DDX25: variants seen among roughly 807,000 people sequenced by gnomAD.
DDX25 encodes ATP-dependent RNA helicase DDX25.
In DDX25, 70 loss-of-function variants were observed where a neutral mutation model predicts 64.6. The ratio of observed to expected loss-of-function variants is 1.08; its 90% CI spans 0.89 to 1.32. The LOEUF is 1.32. DDX25 is among the 40% of genes most tolerant of loss of function. DDX25 has a pLI of 0.00. For missense variants in DDX25, 587 were observed against 604.4 expected (o/e 0.97, Z 0.30); for synonymous variants, 211 against 213.3 (o/e 0.99, Z 0.09).
At chr11:125,911,270 GT>G in intron 7 of DDX25, 40 bp from the exon 8 acceptor site, 1 of 1,558,886 alleles carries the variant, frequency 6.4e-7, no homozygotes, top group South Asian at 1.2e-5. Flanking sequence ...TGTTGGAGTT[GT>G]TTGCATCTGA....
chr11:125,908,340 T>G, intron 5 of DDX25, 52 bp downstream of exon 5: 1 of 1,613,134 alleles, frequency 6.2e-7, no homozygotes, highest in Non-Finnish European at 8.5e-7. Context: ...GTTTCTTATT[T>G]TCAGTTTATG....
intron 4 of DDX25, among the ~76,000 whole-genome samples, chr11:125,907,411 A>C (rs536066209): frequency 2.0e-5 from 3 of 152,120 alleles, no homozygotes; most frequent in Non-Finnish European, 4.4e-5. Flanking sequence ...GATCGAGACC[A>C]TCCTGGCTAA....
intron 10 of DDX25, among the ~76,000 whole-genome samples, chr11:125,919,737 G>A (rs956151995): frequency 6.6e-6 from 1 of 152,008 alleles, no homozygotes; most frequent in Non-Finnish European, 1.5e-5. Context: ...CCTGAAAAAA[G>A]GATGATGTCT....
Position 125,917,174 on chromosome 11 carries a change from C to T in DDX25, c.961C>T (p.His321Tyr). Residue 321 changes from histidine (H) to tyrosine (Y), a missense_variant, in exon 9 of 12, where the codon CAC (histidine) becomes TAC (tyrosine). Transcript: ENST00000263576. ...CCGGCAATATTACGTGCTGTGTGAG[C>T]ACAGGAAAGACAAATACCAAGCTCT... Reference protein sequence around the residue: ...NIRQYYVLCEHRKDKYQALCN... With the variant: ...NIRQYYVLCEYRKDKYQALCN... The T allele has an allele frequency of 6.2e-7, 1 of 1,611,436 alleles. No individual in the cohort carries two copies. The highest frequency in any genetic ancestry group is 8.5e-7 in the Non-Finnish European group (1 of 1,178,974).
intron 7 of DDX25, among the ~76,000 whole-genome samples, chr11:125,910,711 G>C (rs1240635265): frequency 6.6e-6 from 1 of 152,184 alleles, no homozygotes; most frequent in Non-Finnish European, 1.5e-5. Context: ...TCCTGCAAGA[G>C]GATGCCTTTG....
At position 125,924,518 on chromosome 11, in the gene DDX25, G is replaced by T. The variant is rs1945151170; in HGVS notation, c.*1637G>T. ...GGCTCCCAGAGGAGAGGACACTCAG[G>T]ATCTCCTACAGGAGAGCAGGATGTA... is the stretch of plus-strand genomic sequence containing the variant. On this transcript the variant is annotated 3_prime_UTR_variant, in exon 12 of 12. Coordinates refer to ENST00000263576, the MANE Select transcript of DDX25 (RefSeq NM_013264.5). 1 of 152,264 alleles carries T rather than the reference G, an allele frequency of 6.6e-6. No homozygotes were observed. The highest frequency in any genetic ancestry group is 2.4e-5 in the African/African-American group (1 of 41,450). The allele number at this position is 152,264 out of a possible 1,614,324, so 9.4% of individuals were successfully genotyped here.
At chr11:125,920,037 C>A (rs752217591) in intron 10 of DDX25, among the ~76,000 whole-genome samples, 72 of 152,226 alleles carry the variant, frequency 4.7e-4, no homozygotes, top group Middle Eastern at 3.4e-3. Context: ...AGGCACAGTA[C>A]AAGGAGTGCA....
Position 125,926,141 on chromosome 11 carries a change from C to T in DDX25, c.*3260C>T, listed in dbSNP as rs909504950. On this transcript the variant is annotated 3_prime_UTR_variant, in exon 12 of 12. Transcript: ENST00000263576. Reference sequence around the variant, plus strand: ...AAAGAGAACCCCTGCAGAGACAGTCCAGCTGTTGGGATGGGCCTGCACTTT... The same window carrying T: ...AAAGAGAACCCCTGCAGAGACAGTCTAGCTGTTGGGATGGGCCTGCACTTT... The T allele has an allele frequency of 6.6e-6, 1 of 152,414 alleles. No homozygotes were observed. Among genetic ancestry groups the T allele is most frequent in the African/African-American group, 2.4e-5 (1 of 41,418 alleles). 9.4% of individuals were successfully genotyped at this position (152,414 alleles called of 1,614,324 possible). A position where few individuals can be genotyped will look rare whatever the true frequency, so the allele number is the denominator to read the frequency against.
chr11:125,923,196 G>C lies in DDX25; in HGVS notation c.*315G>C, dbSNP rs1008282033. The C allele has an allele frequency of 3.5e-5, 8 of 229,028 alleles. No homozygotes were observed. The highest frequency in any genetic ancestry group is 6.8e-5 in the Non-Finnish European group (8 of 117,554). The allele number at this position is 229,028 out of a possible 1,614,324, so 14.2% of individuals were successfully genotyped here. A position where few individuals can be genotyped will look rare whatever the true frequency, so the allele number is the denominator to read the frequency against. On this transcript the variant is annotated 3_prime_UTR_variant, in exon 12 of 12. Transcript: ENST00000263576. ...AATCTGAGCAGATCGTGCCTCTTGG[G>C]AGCATCTTACTGTGTCACAAGAGGG... is the stretch of plus-strand genomic sequence containing the variant.
chr11:125,927,208 G>C lies in DDX25; in HGVS notation c.*4327G>C, dbSNP rs532721. 0.75 allele frequency: 113,829 copies of C among 152,318 alleles called. 43,241 individuals carry two copies. The highest frequency in any genetic ancestry group is 0.88 in the African/African-American group (36,568 of 41,578). 9.4% of individuals were successfully genotyped at this position (152,318 alleles called of 1,614,324 possible). A position where few individuals can be genotyped will look rare whatever the true frequency, so the allele number is the denominator to read the frequency against. The stretch of plus-strand genomic sequence containing the variant: ...TTCTAGTGAAATACAGAAAACACAC[G>C]TGAACTGGGATGATTCTTGGCTGAG... On this transcript the variant is annotated 3_prime_UTR_variant, in exon 12 of 12. Transcript: ENST00000263576.
chr11:125,923,249 G>A lies in DDX25; in HGVS notation c.*368G>A, dbSNP rs1225888071. 1.7e-5 allele frequency: 3 copies of A among 176,104 alleles called. No homozygotes were observed. The highest frequency in any genetic ancestry group is 3.6e-5 in the Non-Finnish European group (3 of 83,954). 10.9% of individuals were successfully genotyped at this position (176,104 alleles called of 1,614,324 possible). On this transcript the variant is annotated 3_prime_UTR_variant, in exon 12 of 12. Coordinates refer to ENST00000263576, the MANE Select transcript of DDX25 (RefSeq NM_013264.5). The stretch of plus-strand genomic sequence containing the variant: ...GTAGAGCTTCGCTGATTTTGGAAGC[G>A]GAGCGAGTAGGAAAAAGCCCATGTC...
intron 9 of DDX25, 128 bp downstream of exon 9, chr11:125,917,379 A>G (rs1425585193): frequency 1.7e-5 from 14 of 836,170 alleles, no homozygotes; most frequent in Non-Finnish European, 2.6e-5. Context: ...TTTAATCTTC[A>G]GAACAGCTCT....
At chr11:125,905,339 C>A in intron 2 of DDX25, 61 bp downstream of exon 2, 1 of 1,524,768 alleles carries the variant, frequency 6.6e-7, no homozygotes, top group Non-Finnish European at 8.9e-7. Flanking sequence ...GTTTTGCTTT[C>A]ATCACGTCCC....
chr11:125,905,407 C>G, intron 2 of DDX25, 129 bp downstream of exon 2: 1 of 1,337,320 alleles, frequency 7.5e-7, no homozygotes, highest in Non-Finnish European at 1.0e-6. Context: ...CCATTACCTT[C>G]CCAATCGTTT....
At chr11:125,918,398 C>T (rs888959592) in intron 9 of DDX25, among the ~76,000 whole-genome samples, 1 of 152,090 alleles carries the variant, frequency 6.6e-6, no homozygotes, top group Non-Finnish European at 1.5e-5. Context: ...CCATTTCATG[C>T]GTGAGAAAGC....
rs1944881316 is a variant in DDX25 at position 125,906,094 on chromosome 11, C to T, written c.196C>T (p.Leu66Phe). Residue 66 changes from leucine to phenylalanine, a missense_variant, in exon 4 of 12, where the codon CTC becomes TTC. Leu to Phe is a conservative substitution (Grantham distance 22). Transcript: ENST00000263576. ...EDVVDLAANS[L>F]LNKLIHQSLV... ...TCTAGTGGATTTGGCAGCTAATTCA[C>T]TCTTAAACAAGTTAATCCATCAATC... 1 of 1,542,484 alleles carries T rather than the reference C, an allele frequency of 6.5e-7. No homozygotes were observed. Among genetic ancestry groups the T allele is most frequent in the South Asian group, 1.2e-5 (1 of 81,126 alleles).
chr11:125,916,837 C>T (rs979926978), intron 8 of DDX25, among the ~76,000 whole-genome samples, 177 bp from the exon 9 acceptor site: 1 of 152,146 alleles, frequency 6.6e-6, no homozygotes, highest in Non-Finnish European at 1.5e-5. Context: ...TTTCTAAATT[C>T]TTGGTGGCAA....
At chr11:125,912,257 G>A (rs1944976752) in intron 8 of DDX25, among the ~76,000 whole-genome samples, 1 of 152,164 alleles carries the variant, frequency 6.6e-6, no homozygotes, top group Non-Finnish European at 1.5e-5. Flanking sequence ...TGGGAATTGA[G>A]TTCTTTGAAA....
At position 125,925,730 on chromosome 11, in the gene DDX25, A is replaced by G. The variant is rs498025; in HGVS notation, c.*2849A>G. The G allele has an allele frequency of 0.73, 194,912 of 266,082 alleles. 72,426 individuals are homozygous for G. The highest frequency in any genetic ancestry group is 0.88 in the African/African-American group (39,728 of 45,134). 16.5% of individuals were successfully genotyped at this position (266,082 alleles called of 1,614,324 possible). A position where few individuals can be genotyped will look rare whatever the true frequency, so the allele number is the denominator to read the frequency against. On this transcript the variant is annotated 3_prime_UTR_variant, in exon 12 of 12. Coordinates refer to ENST00000263576, the MANE Select transcript of DDX25 (RefSeq NM_013264.5). ...AGCAGGACTGTGATTTCCAGTGGGTAAGTGAACACCTCGCATGGAACACGG... is the reference window on the plus strand; with the variant it reads ...AGCAGGACTGTGATTTCCAGTGGGTGAGTGAACACCTCGCATGGAACACGG...
Sources: gnomAD v4.1 joint callset for allele counts (sites outside exome capture counted in the v4.1 genomes callset) on GRCh38, gnomAD v4.1.1 for gene constraint, MANE v1.5 for transcripts, NCBI Gene and HGNC (gene_info 2026-07-23, HGNC 2026-07-21) for gene names.